GABPB1: variants seen among roughly 807,000 people sequenced by gnomAD.
The protein encoded by GABPB1 is GA-binding protein subunit beta-1.
A neutral mutation model predicts 45.9 loss-of-function variants in GABPB1; 15 were observed. The observed-to-expected ratio is 0.33, with a 90% confidence interval of 0.22 to 0.50. GABPB1 has a LOEUF of 0.50. Among genes scored for constraint, GABPB1 ranks in the 20% least tolerant of loss-of-function variants. The pLI, the probability that GABPB1 is intolerant of heterozygous loss-of-function variation, is 0.98. For missense variants in GABPB1, 252 were observed against 457.5 expected (o/e 0.55, Z 4.10); for synonymous variants, 143 against 154.4 (o/e 0.93, Z 0.55).
intron 1 of GABPB1, among the ~76,000 whole-genome samples, chr15:50,315,489 A>G (rs1271537193): frequency 6.6e-6 from 1 of 152,250 alleles, no homozygotes; most frequent in African/African-American, 2.4e-5. Flanking sequence ...TATCATAAAA[A>G]GGTGGCAATG....
chr15:50,284,940 T>A (rs936486467), intron 8 of GABPB1, among the ~76,000 whole-genome samples: 4 of 152,168 alleles, frequency 2.6e-5, no homozygotes, highest in Admixed American at 2.6e-4. Context: ...TTTAAAGTCA[T>A]AATTTTACCA....
intron 1 of GABPB1, 33 bp from the exon 2 acceptor site, chr15:50,309,831 A>G (rs760027071): frequency 2.4e-6 from 3 of 1,229,298 alleles, no homozygotes; most frequent in African/African-American, 1.5e-5. Flanking sequence ...GAACATCAAA[A>G]TCTCCATTTA....
chr15:50,325,518 TG>T (rs902684473), intron 1 of GABPB1, among the ~76,000 whole-genome samples: 6 of 152,162 alleles, frequency 3.9e-5, no homozygotes, highest in African/African-American at 1.4e-4. Flanking sequence ...CTAGAATCAC[TG>T]GTCAAACTTT....
In GABPB1 at chr15:50,278,570, T is replaced by C. The variant is rs1229547339; in HGVS notation, c.*62A>G. Reference sequence around the variant, plus strand: ...TTCCCATGGCTGTACCTTTGTTGTGTACAGTTCAAGATTGTATTCTTTCTT... The same window carrying C: ...TTCCCATGGCTGTACCTTTGTTGTGCACAGTTCAAGATTGTATTCTTTCTT... On this transcript the variant is annotated 3_prime_UTR_variant, in exon 9 of 9. Transcript: ENST00000380877. The C allele has an allele frequency of 9.1e-6, 13 of 1,423,062 alleles. No homozygotes were observed. In the Admixed American group the frequency reaches 1.1e-4, roughly 12 times the overall value. The allele number at this position is 1,423,062 out of a possible 1,614,324, so 88.2% of individuals were successfully genotyped here.
At chr15:50,318,480 A>T (rs2047430345) in intron 1 of GABPB1, among the ~76,000 whole-genome samples, 2 of 152,172 alleles carry the variant, frequency 1.3e-5, no homozygotes, top group Admixed American at 1.3e-4. Flanking sequence ...TATCTCCCAT[A>T]TACCCCTTTT....
chr15:50,283,021 T>C (rs563886137), intron 8 of GABPB1, among the ~76,000 whole-genome samples: 2 of 152,260 alleles, frequency 1.3e-5, no homozygotes, highest in East Asian at 3.9e-4. Context: ...CAGCACTGCA[T>C]TCCAGCCTGA....
chr15:50,282,973 T>G (rs1225169437), intron 8 of GABPB1, among the ~76,000 whole-genome samples: 1 of 152,200 alleles, frequency 6.6e-6, no homozygotes, highest in African/African-American at 2.4e-5. Context: ...GAGAATCACT[T>G]GAACCTAGGA....
intron 5 of GABPB1, 155 bp downstream of exon 5, chr15:50,301,101 CA>C: frequency 2.6e-6 from 3 of 1,132,170 alleles, no homozygotes; most frequent in Non-Finnish European, 3.8e-6. Context: ...CCAGTTATAC[CA>C]AAGAAAACAA....
intron 1 of GABPB1, among the ~76,000 whole-genome samples, chr15:50,344,365 G>A (rs768686561): frequency 1.3e-5 from 2 of 152,200 alleles, no homozygotes; most frequent in Non-Finnish European, 2.9e-5. Context: ...TTGTTTGACA[G>A]AATAGACAGT....
At chr15:50,351,897 A>G (rs2048846868) in intron 1 of GABPB1, 1 of 152,266 alleles carries the variant, frequency 6.6e-6, no homozygotes, top group African/African-American at 2.4e-5. Flanking sequence ...ATCCCAATGT[A>G]GGCACATCAG....
At chr15:50,330,078 A>C (rs1226413273) in intron 1 of GABPB1, among the ~76,000 whole-genome samples, 3 of 151,608 alleles carry the variant, frequency 2.0e-5, no homozygotes, top group South Asian at 2.1e-4. Context: ...GACTAATTCT[A>C]ATTTTTGGAG....
At position 50,334,505 on chromosome 15, in the gene GABPB1, C is replaced by CTTTTTTTTTTTTTTTTT. The variant is rs60433481; in HGVS notation, c.-1+20463_-1+20479dup. 1.5e-4 allele frequency among the ~76,000 whole-genome samples: 16 copies of CTTTTTTTTTTTTTTTTT among 109,406 alleles called. 1 individual carries two copies. The highest frequency in any genetic ancestry group is 1.6e-4 in the Non-Finnish European group (9 of 55,020). 71.8% of individuals were successfully genotyped at this position (109,406 alleles called of 152,430 possible). ...GTTACTTTATCTTTTTCTTTTTTTC[C>CTTTTTTTTTTTTTTTTT]TTTTTTTTTTTTTTTTTTTTTTGAG... On this transcript the variant is annotated intron_variant, in intron 1 of 8. Coordinates refer to ENST00000380877, the MANE Select transcript of GABPB1 (RefSeq NM_016654.5).
At chr15:50,325,965 T>C (rs958420491) in intron 1 of GABPB1, among the ~76,000 whole-genome samples, 7 of 151,552 alleles carry the variant, frequency 4.6e-5, no homozygotes, top group African/African-American at 1.7e-4. Flanking sequence ...TGGAGTGCAA[T>C]GGCACGATCT....
At chr15:50,299,569 T>C (rs1453401142) in intron 6 of GABPB1, among the ~76,000 whole-genome samples, 4 of 152,000 alleles carry the variant, frequency 2.6e-5, no homozygotes, top group Non-Finnish European at 5.9e-5. Context: ...CTGGCTAATT[T>C]TGTATTTTTA....
chr15:50,345,493 G>A (rs796490505), intron 1 of GABPB1, among the ~76,000 whole-genome samples: 1 of 152,074 alleles, frequency 6.6e-6, no homozygotes, highest in South Asian at 2.1e-4. Flanking sequence ...CCTGAGCCTG[G>A]GGAGGTCAAG....
intron 6 of GABPB1, among the ~76,000 whole-genome samples, chr15:50,293,665 T>C (rs1046498782): frequency 6.6e-6 from 1 of 152,218 alleles, no homozygotes; most frequent in African/African-American, 2.4e-5. Flanking sequence ...ATAGTAAATA[T>C]TTTAAAGCAT....
At chr15:50,336,318 C>A (rs2048123048) in intron 1 of GABPB1, among the ~76,000 whole-genome samples, 1 of 145,654 alleles carries the variant, frequency 6.9e-6, no homozygotes, top group African/African-American at 2.6e-5. Context: ...CACACCACTG[C>A]ACTCCAGCGT....
In GABPB1 at chr15:50,275,624, T is replaced by C. The variant is rs546576929; in HGVS notation, c.*3008A>G. 1 of 152,306 alleles carries C rather than the reference T, an allele frequency of 6.6e-6. No individual in the cohort carries two copies. The highest frequency in any genetic ancestry group is 2.1e-4 in the South Asian group (1 of 4,828). The allele number at this position is 152,306 out of a possible 1,614,324, so 9.4% of individuals were successfully genotyped here. On this transcript the variant is annotated 3_prime_UTR_variant, in exon 9 of 9. Coordinates refer to ENST00000380877, the MANE Select transcript of GABPB1 (RefSeq NM_016654.5). ...CCATTTATCCTCTTTTCTCTCTAAT[T>C]GTCTTCCCAACCCTCCACCACCATA... is the stretch of plus-strand genomic sequence containing the variant.
At chr15:50,354,398 G>A in intron 1 of GABPB1, 1 of 451,552 alleles carries the variant, frequency 2.2e-6, no homozygotes, top group Non-Finnish European at 4.4e-6. Flanking sequence ...GTCTGGTCCG[G>A]CCGATCCCGC....
Sources: allele counts gnomAD v4.1 joint callset (sites outside exome capture counted in the v4.1 genomes callset), GRCh38; gene constraint gnomAD v4.1.1; transcripts MANE v1.5; gene names NCBI Gene and HGNC (gene_info 2026-07-23, HGNC 2026-07-21).